The following PSIP1 variants were observed in gnomAD, a reference collection of about 807,000 sequenced individuals.
The protein encoded by PSIP1 is PC4 and SFRS1-interacting protein.
In PSIP1, 19 loss-of-function variants were observed where a neutral mutation model predicts 74.7. The observed-to-expected ratio is 0.25, with a 90% CI of 0.18 to 0.37. The LOEUF (loss-of-function observed/expected upper bound fraction) is 0.37, where lower values mean the gene tolerates loss of function less well. Ranked by LOEUF, PSIP1 falls within the 10% of genes least tolerant of loss-of-function variation. The pLI is 1.00. For synonymous variants in PSIP1, 222 were observed against 195.3 expected, an observed-to-expected ratio of 1.14 and a Z score of -1.14; for missense variants, 601 against 614.3, an observed-to-expected ratio of 0.98 and a Z score of 0.23.
chr9:15,495,172 T>C (rs1408259257), intron 3 of PSIP1, among the ~76,000 whole-genome samples: 1 of 152,002 alleles, frequency 6.6e-6, no homozygotes, highest in Non-Finnish European at 1.5e-5. Context: ...ACTTCAGGAG[T>C]AGGAAAAGAC....
intron 15 of PSIP1, 37 bp downstream of exon 15, chr9:15,466,711 A>G: frequency 1.3e-6 from 2 of 1,504,148 alleles, no homozygotes; most frequent in Non-Finnish European, 1.8e-6. Context: ...CCTGAATAAT[A>G]AAAAACACAC....
chr9:15,494,570 A>C (rs1454353821), intron 3 of PSIP1, among the ~76,000 whole-genome samples: 2 of 146,274 alleles, frequency 1.4e-5, no homozygotes, highest in African/African-American at 5.2e-5. Flanking sequence ...CATCTCAAAA[A>C]AAAAAAAAAA....
chr9:15,498,825 T>A (rs1371752280), intron 3 of PSIP1, among the ~76,000 whole-genome samples: 1 of 152,132 alleles, frequency 6.6e-6, no homozygotes, highest in Admixed American at 6.5e-5. Context: ...ACATACCAAA[T>A]GCTTAACATG....
At position 15,510,301 on chromosome 9, in the gene PSIP1, G is replaced by A. The variant is rs1453747577; in HGVS notation, c.-113C>T. 6.4e-6 allele frequency: 5 copies of A among 776,534 alleles called. No individual in the cohort carries two copies. Among genetic ancestry groups the A allele is most frequent in the South Asian group, 4.1e-5 (2 of 49,268 alleles). 48.1% of individuals were successfully genotyped at this position (776,534 alleles called of 1,614,324 possible). A position where few individuals can be genotyped will look rare whatever the true frequency, so the allele number is the denominator to read the frequency against. On this transcript the variant is annotated 5_prime_UTR_variant, in exon 2 of 16. Coordinates refer to ENST00000380733, the MANE Select transcript of PSIP1 (RefSeq NM_033222.5). ...AGCTACCGGGCCCGCGGGCGGGGGA[G>A]GATGCCTCGGGGCGTCCCGACGCGC...
chr9:15,481,379 AAATC>A (rs1480103792), intron 6 of PSIP1, among the ~76,000 whole-genome samples: 1 of 152,244 alleles, frequency 6.6e-6, no homozygotes, highest in African/African-American at 2.4e-5. Context: ...TTTTGGAAAT[AAATC>A]AAAACACTGA....
intron 9 of PSIP1, 130 bp from the exon 10 acceptor site, chr9:15,472,880 A>G: frequency 1.2e-6 from 1 of 808,060 alleles, no homozygotes; most frequent in Non-Finnish European, 2.0e-6. Context: ...TAGCAACCTA[A>G]AAATAGTCTT....
rs150231407 is a variant in PSIP1, at chr9:15,488,759, G to C, written c.288+1227C>G. ...AAATTAGGCTGGACACAGTGGCTCA[G>C]GCCTGTAATCCCAACACTCTGGGGG... On this transcript the variant is annotated intron_variant, in intron 4 of 15. Coordinates refer to ENST00000380733, the MANE Select transcript of PSIP1 (RefSeq NM_033222.5). 7.8e-3 allele frequency among the ~76,000 whole-genome samples: 1,179 copies of C among 150,824 alleles called. 10 individuals are homozygous for C. The highest frequency in any genetic ancestry group is 0.025 in the African/African-American group (1,018 of 40,984).
At position 15,470,948 on chromosome 9, in the gene PSIP1, A is replaced by C. The variant is rs1252882009; in HGVS notation, c.978-955T>G. On this transcript the variant is annotated intron_variant, in intron 10 of 15. Coordinates refer to ENST00000380733, the MANE Select transcript of PSIP1 (RefSeq NM_033222.5). ...TTAAGCTTGGTTAAAAAAAAAAAAA[A>C]AAAAAAAAAACAGGAATGATGGCCG... is the stretch of plus-strand genomic sequence containing the variant. 3.4e-5 allele frequency: 39 copies of C among 1,150,294 alleles called. No individual in the cohort carries two copies. The East Asian group carries it at 7.7e-4, about 23-fold the overall frequency. The allele number at this position is 1,150,294 out of a possible 1,614,324, so 71.3% of individuals were successfully genotyped here.
rs1243403819 is a variant in PSIP1 at position 15,510,340 on chromosome 9, C to A, written c.-141-11G>T. The A allele has an allele frequency of 4.3e-6, 2 of 463,248 alleles. No individual in the cohort carries two copies. Among genetic ancestry groups the A allele is most frequent in the Non-Finnish European group, 3.6e-6 (1 of 274,906 alleles). The allele number at this position is 463,248 out of a possible 1,614,324, so 28.7% of individuals were successfully genotyped here. ...GTCCCGACGCGCCTGCTAGGGAGAGCACCGAGGGCGGTTAAAGCGAAGAAC... is the reference window on the plus strand; with the variant it reads ...GTCCCGACGCGCCTGCTAGGGAGAGAACCGAGGGCGGTTAAAGCGAAGAAC... On this transcript the variant is annotated splice_polypyrimidine_tract_variant and intron_variant, in intron 1 of 15. Transcript: ENST00000380733.
chr9:15,507,826 A>C (rs1219961486), intron 2 of PSIP1, among the ~76,000 whole-genome samples: 1 of 152,202 alleles, frequency 6.6e-6, no homozygotes, highest in East Asian at 1.9e-4. Flanking sequence ...GACTGAACTG[A>C]TTTGTGAGGG....
In PSIP1 at chr9:15,474,204, C is replaced by T; in HGVS notation, c.663G>A (p.Gly221=). The T allele has an allele frequency of 6.2e-7, 1 of 1,612,494 alleles. No individual in the cohort carries two copies. Residue 221 remains glycine, a synonymous_variant, in exon 9 of 16, where the codon GGG becomes GGA. Transcript: ENST00000380733. ...GCTTTTTAGGTTGTTTTTCCTCTTG[C>T]CCCTTTTTCTTACTTTTGTCCTCTT... ...ITEEDKSKKK[G]QEEKQPKKQP...
chr9:15,480,948 A>T (rs1387114313), intron 6 of PSIP1, among the ~76,000 whole-genome samples: 2 of 152,196 alleles, frequency 1.3e-5, no homozygotes. Context: ...AAAAACCTTT[A>T]TATGGCAATT....
intron 3 of PSIP1, among the ~76,000 whole-genome samples, chr9:15,492,871 C>A (rs969216946): frequency 6.6e-6 from 1 of 152,220 alleles, no homozygotes; most frequent in Non-Finnish European, 1.5e-5. Flanking sequence ...ACCTTGGTCC[C>A]TTTTAGCCAA....
In PSIP1 at chr9:15,497,325, CTT is replaced by C. The variant is rs767922897; in HGVS notation, c.150-7203_150-7202del. Among the ~76,000 whole-genome samples the C allele has an allele frequency of 4.9e-4, 58 of 118,456 alleles. 1 individual carries two copies. Among genetic ancestry groups the C allele is most frequent in the African/African-American group, 1.5e-3 (38 of 24,852 alleles). The allele number at this position is 118,456 out of a possible 152,430, so 77.7% of individuals were successfully genotyped here. On this transcript the variant is annotated intron_variant, in intron 3 of 15. Coordinates refer to ENST00000380733, the MANE Select transcript of PSIP1 (RefSeq NM_033222.5). ...CTGAAGACCACACGTTCTATGATTC[CTT>C]TTTTTTTTTTTTTTGAGACAGAGTC...
At chr9:15,480,394 C>G (rs1233330165) in intron 6 of PSIP1, among the ~76,000 whole-genome samples, 2 of 152,108 alleles carry the variant, frequency 1.3e-5, no homozygotes, top group Admixed American at 1.3e-4. Context: ...AACTGTATCA[C>G]TAAAGATAAA....
intron 3 of PSIP1, chr9:15,491,820 T>C (rs2036845011): frequency 6.6e-6 from 1 of 152,616 alleles, no homozygotes; most frequent in Non-Finnish European, 1.5e-5. Context: ...CCCAAGAAAC[T>C]TACAATCATG....
intron 6 of PSIP1, among the ~76,000 whole-genome samples, chr9:15,483,159 G>GC (rs1341773149): frequency 3.3e-5 from 5 of 152,052 alleles, no homozygotes; most frequent in African/African-American, 1.2e-4. Flanking sequence ...TCATGCCAGA[G>GC]ACTGCATCTG....
chr9:15,489,842 C>G (rs2036743753), intron 4 of PSIP1, 144 bp downstream of exon 4: 1 of 580,240 alleles, frequency 1.7e-6, no homozygotes, highest in Non-Finnish European at 2.7e-6. Flanking sequence ...ATATAAAATG[C>G]CCAAGGTTCA....
chr9:15,466,311 G>T (rs2035622985), intron 15 of PSIP1, among the ~76,000 whole-genome samples: 1 of 152,228 alleles, frequency 6.6e-6, no homozygotes, highest in South Asian at 2.1e-4. Flanking sequence ...CCCAGGAAGT[G>T]GAGGTTGCAG....
Sources: gnomAD v4.1 joint callset for allele counts (sites outside exome capture counted in the v4.1 genomes callset) on GRCh38, gnomAD v4.1.1 for gene constraint, MANE v1.5 for transcripts, NCBI Gene and HGNC (gene_info 2026-07-23, HGNC 2026-07-21) for gene names.